The following MEIS2 variants were observed in gnomAD, a reference collection of about 807,000 sequenced individuals.
MEIS2 encodes the protein Meis homeobox 2.
In MEIS2, 9 loss-of-function variants were observed where a neutral mutation model predicts 58.6. The observed-to-expected ratio is 0.15, with a 90% CI of 0.09 to 0.27. The LOEUF (loss-of-function observed/expected upper bound fraction) is 0.27. Ranked by LOEUF, MEIS2 falls within the 10% of genes least tolerant of loss-of-function variation. MEIS2 has a pLI of 1.00. For synonymous variants in MEIS2, 221 were observed against 228.4 expected (o/e 0.97, Z 0.29); for missense variants, 427 against 635.0 (o/e 0.67, Z 3.52).
chr15:36,979,707 A>G (rs2059870230), intron 8 of MEIS2, among the ~76,000 whole-genome samples: 1 of 147,552 alleles, frequency 6.8e-6, no homozygotes, highest in Non-Finnish European at 1.5e-5. Flanking sequence ...AAAAATATAT[A>G]TAATATATAT....
At chr15:36,894,835 G>A in intron 11 of MEIS2, 1 of 1,553,976 alleles carries the variant, frequency 6.4e-7, no homozygotes, top group Non-Finnish European at 8.9e-7. Flanking sequence ...TAAAATCCAA[G>A]AAGAGGCCGG....
intron 2 of MEIS2, chr15:37,096,635 A>C: frequency 2.0e-6 from 1 of 493,172 alleles, no homozygotes; most frequent in Non-Finnish European, 3.4e-6. Context: ...CCCGCAGCTC[A>C]GAGGTCCCTC....
At chr15:36,929,800 C>A (rs1177444015) in intron 9 of MEIS2, among the ~76,000 whole-genome samples, 2 of 152,080 alleles carry the variant, frequency 1.3e-5, no homozygotes, top group Non-Finnish European at 2.9e-5. Flanking sequence ...TTGATGTGGG[C>A]TAATATTAGG....
At chr15:37,001,494 C>T (rs971553417) in intron 8 of MEIS2, among the ~76,000 whole-genome samples, 1 of 152,128 alleles carries the variant, frequency 6.6e-6, no homozygotes, top group African/African-American at 2.4e-5. Flanking sequence ...TATAGTCAGG[C>T]CCAAAACCCT....
intron 7 of MEIS2, among the ~76,000 whole-genome samples, chr15:37,063,771 T>A (rs1889565635): frequency 6.6e-6 from 1 of 152,224 alleles, no homozygotes; most frequent in Non-Finnish European, 1.5e-5. Context: ...GATGGCACTC[T>A]TTAAAATTTT....
chr15:36,962,672 T>C (rs956802353), intron 8 of MEIS2, among the ~76,000 whole-genome samples: 2 of 152,326 alleles, frequency 1.3e-5, no homozygotes, highest in Admixed American at 6.5e-5. Context: ...TGTTTAAAGG[T>C]ATCTTGGCTA....
chr15:36,933,587 T>G (rs1333308285), intron 9 of MEIS2, among the ~76,000 whole-genome samples: 1 of 148,730 alleles, frequency 6.7e-6, no homozygotes, highest in South Asian at 2.2e-4. Context: ...CATTTATGTG[T>G]ATGTGTGTGT....
At chr15:37,069,270 T>A (rs1890361390) in intron 7 of MEIS2, among the ~76,000 whole-genome samples, 1 of 152,164 alleles carries the variant, frequency 6.6e-6, no homozygotes, top group South Asian at 2.1e-4. Flanking sequence ...TCTCAGTTTT[T>A]TAAGGTGATT....
chr15:37,097,918 AC>A, intron 2 of MEIS2, 48 bp downstream of exon 2: 1 of 1,523,820 alleles, frequency 6.6e-7, no homozygotes, highest in African/African-American at 1.4e-5. Flanking sequence ...AGACAAACAC[AC>A]ACTCTCACAC....
intron 9 of MEIS2, among the ~76,000 whole-genome samples, chr15:36,929,608 T>C (rs1342154382): frequency 1.3e-5 from 2 of 152,210 alleles, no homozygotes; most frequent in Non-Finnish European, 2.9e-5. Flanking sequence ...CATTTGATTC[T>C]GAACTGGAAG....
intron 9 of MEIS2, among the ~76,000 whole-genome samples, chr15:36,909,898 C>T (rs536813773): frequency 5.3e-5 from 8 of 151,096 alleles, no homozygotes; most frequent in South Asian, 2.1e-4. Flanking sequence ...GAATAGAAAG[C>T]GAAGGAGGAA....
rs533656990 is a variant in MEIS2, at chr15:37,067,666, G to A, written c.754+16105C>T. Among the ~76,000 whole-genome samples, 4 of 151,584 alleles carry A rather than the reference G, an allele frequency of 2.6e-5. No individual in the cohort carries two copies. In the South Asian group the frequency reaches 8.4e-4, roughly 32 times the overall value. ...CAAACCATGGTACACAGGAAACTGA[G>A]AATTTTGACCTCATACTTCTCCCAG... On this transcript the variant is annotated intron_variant, in intron 7 of 11. Coordinates refer to ENST00000561208, the MANE Select transcript of MEIS2 (RefSeq NM_170675.5).
At chr15:36,930,693 G>C (rs2057943498) in intron 9 of MEIS2, among the ~76,000 whole-genome samples, 1 of 152,128 alleles carries the variant, frequency 6.6e-6, no homozygotes, top group African/African-American at 2.4e-5. Flanking sequence ...AAAATACCAA[G>C]GTTGTTAAAG....
chr15:37,035,805 C>T (rs181212386), intron 8 of MEIS2, among the ~76,000 whole-genome samples: 2 of 152,332 alleles, frequency 1.3e-5, no homozygotes, highest in East Asian at 1.9e-4. Flanking sequence ...CAGCCACCAC[C>T]ATAAATAAAA....
chr15:36,973,796 C>A (rs2059649847), intron 8 of MEIS2, among the ~76,000 whole-genome samples: 1 of 151,898 alleles, frequency 6.6e-6, no homozygotes, highest in African/African-American at 2.4e-5. Context: ...ACATTGTTTT[C>A]TTCTTATTTA....
chr15:37,096,485 A>T, intron 2 of MEIS2, 55 bp from the exon 3 acceptor site: 2 of 1,584,756 alleles, frequency 1.3e-6, no homozygotes, highest in Non-Finnish European at 1.7e-6. Context: ...GCAGAGGGGA[A>T]GGAGCAAGAA....
At chr15:37,017,651 G>A (rs1475602313) in intron 8 of MEIS2, among the ~76,000 whole-genome samples, 1 of 152,064 alleles carries the variant, frequency 6.6e-6, no homozygotes, top group East Asian at 1.9e-4. Context: ...AAGGTAATAA[G>A]CAGACTAAAA....
At position 36,895,277 on chromosome 15, in the gene MEIS2, C is replaced by T; in HGVS notation, c.1037-16G>A. 6.2e-7 allele frequency: 1 copy of T among 1,604,036 alleles called. No individual in the cohort carries two copies. The highest frequency in any genetic ancestry group is 8.5e-7 in the Non-Finnish European group (1 of 1,171,440). On this transcript the variant is annotated splice_polypyrimidine_tract_variant and intron_variant, in intron 10 of 11. Coordinates refer to ENST00000561208, the MANE Select transcript of MEIS2 (RefSeq NM_170675.5). Reference sequence around the variant, plus strand: ...AGAAGAAAACCTGATTGTGGTCATTCGAGGACACAGAGGAGAAAGAAGAAA... The same window carrying T: ...AGAAGAAAACCTGATTGTGGTCATTTGAGGACACAGAGGAGAAAGAAGAAA...
chr15:36,998,517 G>A (rs2060609883), intron 8 of MEIS2, among the ~76,000 whole-genome samples: 1 of 152,006 alleles, frequency 6.6e-6, no homozygotes, highest in Admixed American at 6.6e-5. Flanking sequence ...CCCAGTGCCT[G>A]GCTAAGGCTT....
Sources: allele counts gnomAD v4.1 joint callset (sites outside exome capture counted in the v4.1 genomes callset), GRCh38; gene constraint gnomAD v4.1.1; transcripts MANE v1.5; gene names NCBI Gene and HGNC (gene_info 2026-07-23, HGNC 2026-07-21).